KIAA1217: variants seen among roughly 807,000 people sequenced by gnomAD.
The protein encoded by KIAA1217 is KIAA1217.
Under a neutral mutation model 163.9 loss-of-function variants are expected in KIAA1217, and 88 were observed. The ratio of observed to expected loss-of-function variants is 0.54; its 90% confidence interval spans 0.45 to 0.64. The LOEUF (loss-of-function observed/expected upper bound fraction) is 0.64, where lower values mean the gene tolerates loss of function less well. KIAA1217 is among the 30% of genes least tolerant of loss of function. The pLI is 0.00. For missense variants in KIAA1217, 2,372 were observed against 2,475.0 expected (o/e 0.96, Z 0.88); for synonymous variants, 903 against 923.1 (o/e 0.98, Z 0.39).
intron 2 of KIAA1217, among the ~76,000 whole-genome samples, chr10:24,276,953 C>T (rs1299902415): frequency 1.3e-5 from 2 of 151,892 alleles, no homozygotes. Context: ...GAGATGGGGT[C>T]TCCCCGTGTT....
chr10:23,952,856 C>T (rs1844401058), intron 1 of KIAA1217, among the ~76,000 whole-genome samples: 1 of 152,136 alleles, frequency 6.6e-6, no homozygotes, highest in Admixed American at 6.5e-5. Flanking sequence ...CTTATTATGA[C>T]AAGTGGTCAT....
chr10:24,047,041 C>G (rs1248542731), intron 2 of KIAA1217, among the ~76,000 whole-genome samples: 1 of 152,160 alleles, frequency 6.6e-6, no homozygotes, highest in Non-Finnish European at 1.5e-5. Context: ...ATTATTGTAT[C>G]TTAAACAAAA....
rs12098840 is a variant in KIAA1217 at position 24,028,612 on chromosome 10, T to C, written c.-171+21238T>C. On this transcript the variant is annotated intron_variant, in intron 2 of 18. Transcript: ENST00000376462. Reference sequence around the variant, plus strand: ...CAGGGTCCAAGGAGCATGTGACCAATTGGAAGCACTTAGAAGATTTCAAAG... The same window carrying C: ...CAGGGTCCAAGGAGCATGTGACCAACTGGAAGCACTTAGAAGATTTCAAAG... 1.2e-3 allele frequency among the ~76,000 whole-genome samples: 180 copies of C among 152,278 alleles called. 1 individual carries two copies. The highest frequency in any genetic ancestry group is 4.0e-3 in the African/African-American group (166 of 41,574).
chr10:23,824,675 A>ATATATATATATATATATATATATATATG (rs1837814062), intron 1 of KIAA1217, among the ~76,000 whole-genome samples: 1 of 139,286 alleles, frequency 7.2e-6, no homozygotes, highest in African/African-American at 2.6e-5. Flanking sequence ...ATATATATAT[A>ATATATATATATATATATATATATATATG]TATATATGTA....
At chr10:24,075,940 A>ATT (rs111465483) in intron 2 of KIAA1217, among the ~76,000 whole-genome samples, 3 of 150,514 alleles carry the variant, frequency 2.0e-5, no homozygotes, top group African/African-American at 4.9e-5. Flanking sequence ...ATGAACCTTA[A>ATT]TTTTTTTTTT....
intron 3 of KIAA1217, among the ~76,000 whole-genome samples, chr10:24,423,443 C>T: frequency 6.6e-6 from 1 of 151,802 alleles, no homozygotes. Context: ...CACCACCACG[C>T]CCAGATAATT....
At chr10:24,053,445 A>G (rs1849661098) in intron 2 of KIAA1217, among the ~76,000 whole-genome samples, 1 of 152,128 alleles carries the variant, frequency 6.6e-6, no homozygotes, top group African/African-American at 2.4e-5. Flanking sequence ...TTATGCTGGT[A>G]TATTACATTT....
At chr10:23,757,067 G>A (rs989152039) in intron 1 of KIAA1217, among the ~76,000 whole-genome samples, 1 of 152,052 alleles carries the variant, frequency 6.6e-6, no homozygotes, top group African/African-American at 2.4e-5. Flanking sequence ...CTTTTTTAAG[G>A]TTGAATAATG....
chr10:24,008,904 A>G (rs1847127138), intron 2 of KIAA1217, among the ~76,000 whole-genome samples: 1 of 152,208 alleles, frequency 6.6e-6, no homozygotes, highest in Non-Finnish European at 1.5e-5. Context: ...GCAGACTACC[A>G]TAAATAACCT....
At chr10:24,361,464 A>G (rs2049989382) in intron 2 of KIAA1217, among the ~76,000 whole-genome samples, 1 of 152,168 alleles carries the variant, frequency 6.6e-6, no homozygotes, top group Non-Finnish European at 1.5e-5. Context: ...CTGAATTTAC[A>G]GGTGTGAGCC....
chr10:24,250,707 T>TC (rs2074405883), intron 2 of KIAA1217, among the ~76,000 whole-genome samples: 1 of 96,188 alleles, frequency 1.0e-5, no homozygotes, highest in African/African-American at 4.1e-5. Context: ...CCCCTCGGCC[T>TC]CACAAAGTGC....
Position 23,964,573 on chromosome 10 carries a change from T to TC in KIAA1217, c.-320-42652_-320-42651insC, listed in dbSNP as rs201221137. ...GTAGAACACTATGTAACAGTTGAATTTTTTTTTTTGTCTTGCTCTGTCGCC... is the reference window on the plus strand; with the variant it reads ...GTAGAACACTATGTAACAGTTGAATTCTTTTTTTTTGTCTTGCTCTGTCGCC... On this transcript the variant is annotated intron_variant, in intron 1 of 18. Coordinates refer to the KIAA1217 transcript ENST00000376462. Among the ~76,000 whole-genome samples the TC allele has an allele frequency of 6.6e-3, 989 of 149,742 alleles. 10 individuals are homozygous for TC. The highest frequency in any genetic ancestry group is 0.023 in the African/African-American group (951 of 40,896).
intron 2 of KIAA1217, among the ~76,000 whole-genome samples, chr10:24,176,767 G>A (rs754427456): frequency 1.2e-4 from 19 of 152,330 alleles, no homozygotes; most frequent in South Asian, 4.1e-4. Flanking sequence ...ACTAGGCACC[G>A]CGGAGCGGGG....
intron 2 of KIAA1217, among the ~76,000 whole-genome samples, chr10:24,231,532 G>A (rs1255705986): frequency 1.3e-5 from 2 of 152,140 alleles, no homozygotes; most frequent in African/African-American, 4.8e-5. Flanking sequence ...CAAAGAATAT[G>A]ATAGGATCGA....
At chr10:24,041,502 T>G (rs186736611) in intron 2 of KIAA1217, among the ~76,000 whole-genome samples, 1 of 151,996 alleles carries the variant, frequency 6.6e-6, no homozygotes, top group Non-Finnish European at 1.5e-5. Context: ...TTTCCCTGAC[T>G]CTCTCTCTCT....
chr10:23,954,374 A>G (rs113494920), intron 1 of KIAA1217, among the ~76,000 whole-genome samples: 6,445 of 152,092 alleles, frequency 0.042, 462 homozygotes, highest in African/African-American at 0.14. Context: ...AGACCAGCCT[A>G]GGCAACATAG....
intron 2 of KIAA1217, among the ~76,000 whole-genome samples, chr10:24,328,878 G>T (rs1320478343): frequency 6.6e-6 from 1 of 151,786 alleles, no homozygotes; most frequent in Non-Finnish European, 1.5e-5. Flanking sequence ...CTGTCCTTCA[G>T]CATGTGTCTT....
chr10:23,940,153 AT>A (rs1460163188), intron 1 of KIAA1217, among the ~76,000 whole-genome samples: 1 of 152,116 alleles, frequency 6.6e-6, no homozygotes, highest in Non-Finnish European at 1.5e-5. Context: ...GAAATTCACA[AT>A]TATAATTAGA....
intron 2 of KIAA1217, among the ~76,000 whole-genome samples, chr10:24,186,195 T>C (rs2066422355): frequency 6.6e-6 from 1 of 152,162 alleles, no homozygotes; most frequent in Non-Finnish European, 1.5e-5. Flanking sequence ...GCCCTGACTT[T>C]TTCAATTTTC....
Sources: gnomAD v4.1 joint callset for allele counts (sites outside exome capture counted in the v4.1 genomes callset) on GRCh38, gnomAD v4.1.1 for gene constraint, MANE v1.5 for transcripts, NCBI Gene and HGNC (gene_info 2026-07-23, HGNC 2026-07-21) for gene names.